The following TMC5 variants were observed in gnomAD, a reference collection of about 807,000 sequenced individuals.
The protein encoded by TMC5 is transmembrane channel-like protein 5.
A neutral mutation model predicts 110.5 loss-of-function variants in TMC5; 86 were observed. The ratio of observed to expected loss-of-function variants is 0.78; its 90% CI spans 0.65 to 0.93. The LOEUF (loss-of-function observed/expected upper bound fraction) is 0.93, where lower values mean the gene tolerates loss of function less well. TMC5 is among the 40% of genes least tolerant of loss of function. The pLI is 0.00. For synonymous variants in TMC5, 455 were observed against 439.5 expected (o/e 1.04, Z -0.44); for missense variants, 1,144 against 1,222.8 (o/e 0.94, Z 0.96).
intron 4 of TMC5, among the ~76,000 whole-genome samples, chr16:19,449,266 G>A (rs995234236): frequency 3.9e-5 from 6 of 152,136 alleles, no homozygotes; most frequent in East Asian, 1.9e-4. Flanking sequence ...GATTACAGGC[G>A]TGAGCTACCT....
upstream of TMC5, among the ~76,000 whole-genome samples, chr16:19,416,157 C>A (rs1361033437): frequency 2.0e-5 from 3 of 150,824 alleles, no homozygotes; most frequent in African/African-American, 7.4e-5. Flanking sequence ...TGCATTCCAG[C>A]CTTGGTTGAC....
chr16:19,463,155 C>A lies in TMC5; in HGVS notation c.1149-125C>A. 4.2e-6 allele frequency: 3 copies of A among 720,248 alleles called. No homozygotes were observed. In the South Asian group the frequency reaches 4.9e-5, roughly 12 times the overall value. 44.6% of individuals were successfully genotyped at this position (720,248 alleles called of 1,614,324 possible). A position where few individuals can be genotyped will look rare whatever the true frequency, so the allele number is the denominator to read the frequency against. ...CAGGCTGGTCTTGAACTCCTGGCCT[C>A]AGTGATCCTCTTGCCTCAGCTTCCG... On this transcript the variant is annotated intron_variant, in intron 6 of 21. Coordinates refer to ENST00000542583, the MANE Select transcript of TMC5 (RefSeq NM_001261841.2).
intron 1 of TMC5, among the ~76,000 whole-genome samples, chr16:19,427,533 A>T (rs888136837): frequency 1.2e-4 from 19 of 152,176 alleles, no homozygotes; most frequent in African/African-American, 4.3e-4. Context: ...CCATAGCTAC[A>T]TGTGGCTAGT....
chr16:19,490,348 TC>T (rs1398251319), intron 17 of TMC5, 46 bp from the exon 18 acceptor site: 2 of 1,593,960 alleles, frequency 1.3e-6, no homozygotes, highest in Admixed American at 3.4e-5. Flanking sequence ...AGAATAACCA[TC>T]CCTGAGTCTT....
At position 19,490,711 on chromosome 16, in the gene TMC5, T is replaced by TTCC. The variant is rs1968865633; in HGVS notation, c.2747+144_2747+145insCCT. On this transcript the variant is annotated intron_variant, in intron 18 of 21. Coordinates refer to ENST00000542583, the MANE Select transcript of TMC5 (RefSeq NM_001261841.2). ...CTCTACCCTTGCATAGGTAGTTTTCTTTCCTTCCTTCCTTCCTTCCTTCCT... is the reference window on the plus strand; with the variant it reads ...CTCTACCCTTGCATAGGTAGTTTTCTTCCTTCCTTCCTTCCTTCCTTCCTTCCT... 2.3e-5 allele frequency: 9 copies of TTCC among 389,542 alleles called. No individual in the cohort carries two copies. In the East Asian group the frequency reaches 3.0e-4, roughly 13 times the overall value. 24.1% of individuals were successfully genotyped at this position (389,542 alleles called of 1,614,324 possible).
chr16:19,462,179 C>T lies in TMC5; in HGVS notation c.1149-1101C>T, dbSNP rs183142483. On this transcript the variant is annotated intron_variant, in intron 6 of 21. Transcript: ENST00000542583. ...TGCCTCTGTCACTGAATATGGGCTC[C>T]AAAGACCTTATAGCAAGATTTCTTA... Among the ~76,000 whole-genome samples the T allele has an allele frequency of 3.9e-3, 592 of 152,236 alleles. 1 individual carries two copies. Among genetic ancestry groups the T allele is most frequent in the African/African-American group, 0.014 (565 of 41,554 alleles).
intron 2 of TMC5, among the ~76,000 whole-genome samples, chr16:19,434,388 T>C (rs1350378226): frequency 7.3e-5 from 3 of 41,060 alleles, no homozygotes; most frequent in Non-Finnish European, 1.4e-4. Flanking sequence ...ATATATAATA[T>C]AGATATAATA....
chr16:19,440,590 C>T lies in TMC5; in HGVS notation c.552C>T (p.Ser184=). The change falls in exon 3 of 22, where the codon TCC becomes TCT. Residue 184 remains serine, a synonymous_variant. Coordinates refer to ENST00000542583, the MANE Select transcript of TMC5 (RefSeq NM_001261841.2). Reference sequence around the variant, plus strand: ...GAGCCAATTTGAACCATCCAGGATCCAGAAAGAATCTGGAACATACAAGTT... The same window carrying T: ...GAGCCAATTTGAACCATCCAGGATCTAGAAAGAATCTGGAACATACAAGTT... ...GPRANLNHPG[S]RKNLEHTSFR... The T allele has an allele frequency of 6.2e-7, 1 of 1,614,172 alleles. No individual in the cohort carries two copies. The highest frequency in any genetic ancestry group is 2.2e-5 in the East Asian group (1 of 44,884).
rs1192595966 is a variant in TMC5, at chr16:19,444,114, A to G, written c.822A>G (p.Ser274=). ...VLSRTSSIQP[S]FRHRSDDPVG... Reference sequence around the variant, plus strand: ...GCAGAACATCTTCAATCCAGCCCTCATTTCGTCACAGGAGTGATGACCCCG... The same window carrying G: ...GCAGAACATCTTCAATCCAGCCCTCGTTTCGTCACAGGAGTGATGACCCCG... Residue 274 remains serine, a synonymous_variant, in exon 4 of 22, where the codon TCA becomes TCG. Coordinates refer to ENST00000542583, the MANE Select transcript of TMC5 (RefSeq NM_001261841.2). 6.2e-7 allele frequency: 1 copy of G among 1,614,156 alleles called. No homozygotes were observed. The highest frequency in any genetic ancestry group is 8.5e-7 in the Non-Finnish European group (1 of 1,180,022).
chr16:19,458,201 A>C (rs1037364505), intron 5 of TMC5, among the ~76,000 whole-genome samples: 6 of 151,762 alleles, frequency 4.0e-5, no homozygotes, highest in African/African-American at 1.5e-4. Flanking sequence ...GTTTCTTTTA[A>C]TTTAATTTAA....
chr16:19,472,968 G>T (rs991235653), intron 11 of TMC5, among the ~76,000 whole-genome samples: 2 of 152,160 alleles, frequency 1.3e-5, no homozygotes, highest in African/African-American at 2.4e-5. Context: ...CCTAGCAGAA[G>T]TGCAGTCCCG....
intron 3 of TMC5, among the ~76,000 whole-genome samples, chr16:19,443,115 G>A (rs571759373): frequency 1.6e-4 from 25 of 152,260 alleles, no homozygotes; most frequent in African/African-American, 5.8e-4. Context: ...TTATACTCTA[G>A]GTCAGTGGTT....
At chr16:19,477,339 C>A in intron 12 of TMC5, 101 bp from the exon 13 acceptor site, 2 of 872,546 alleles carry the variant, frequency 2.3e-6, no homozygotes, top group South Asian at 2.7e-5. Context: ...ACCACAGGGG[C>A]CAGGAATTTC....
intron 4 of TMC5, among the ~76,000 whole-genome samples, chr16:19,446,185 A>G (rs968054340): frequency 6.6e-6 from 1 of 152,176 alleles, no homozygotes; most frequent in Non-Finnish European, 1.5e-5. Context: ...CAGACATCAG[A>G]TAGCCCAGGG....
chr16:19,456,682 G>T (rs1967880904), intron 5 of TMC5: 5 of 1,590,932 alleles, frequency 3.1e-6, no homozygotes, highest in Non-Finnish European at 4.3e-6. Context: ...CCCCAGTGGA[G>T]AAGAAGGCTT....
intron 19 of TMC5, 88 bp downstream of exon 19, chr16:19,492,316 T>G (rs376826284): frequency 9.1e-6 from 8 of 877,558 alleles, no homozygotes; most frequent in South Asian, 9.1e-5. Flanking sequence ...AATACTACAA[T>G]GAACTCTCAT....
chr16:19,452,522 G>A (rs1271766031), intron 5 of TMC5, among the ~76,000 whole-genome samples: 1 of 151,686 alleles, frequency 6.6e-6, no homozygotes, highest in African/African-American at 2.4e-5. Flanking sequence ...TTCGATACCA[G>A]CCTGGCCAAC....
At chr16:19,488,503 C>T (rs1968807147) in intron 17 of TMC5, among the ~76,000 whole-genome samples, 1 of 152,120 alleles carries the variant, frequency 6.6e-6, no homozygotes, top group African/African-American at 2.4e-5. Flanking sequence ...CCCCACTTCC[C>T]TTTGGCTCCA....
upstream of TMC5, among the ~76,000 whole-genome samples, chr16:19,414,770 G>A (rs1022989070): frequency 2.0e-5 from 3 of 151,914 alleles, no homozygotes; most frequent in South Asian, 2.1e-4. Flanking sequence ...AATTAGGTGG[G>A]CATAGTGGTG....
Sources: allele counts gnomAD v4.1 joint callset (sites outside exome capture counted in the v4.1 genomes callset), GRCh38; gene constraint gnomAD v4.1.1; transcripts MANE v1.5; gene names NCBI Gene and HGNC (gene_info 2026-07-23, HGNC 2026-07-21).